RAPH1: variants seen among roughly 807,000 people sequenced by gnomAD.
RAPH1 encodes the protein ras-associated and pleckstrin homology domains-containing protein 1.
Under a neutral mutation model 88.1 loss-of-function variants are expected in RAPH1, and 18 were observed. That is an observed-to-expected ratio of 0.20 (90% CI 0.14 to 0.30). RAPH1 has a LOEUF of 0.30. RAPH1 is among the 10% of genes least tolerant of loss of function. The pLI, the probability that RAPH1 is intolerant of heterozygous loss-of-function variation, is 1.00. For missense variants in RAPH1, 1,448 were observed against 1,543.2 expected (o/e 0.94, Z 1.03); for synonymous variants, 587 against 559.0 (o/e 1.05, Z -0.71).
At position 203,489,728 on chromosome 2, in the gene RAPH1, C is replaced by A; in HGVS notation, c.588G>T (p.Val196=). ...TAATAGAGTGTACTTCAGCATCACTCACTGTGCCTGCTGACGCGGTTCTTC... is the reference window on the plus strand; with the variant it reads ...TAATAGAGTGTACTTCAGCATCACTAACTGTGCCTGCTGACGCGGTTCTTC... ...QHRRTASAGT[V]SDAEVHSISN... The change falls in exon 4 of 14, where the codon GTG becomes GTT. Residue 196 remains valine, a synonymous_variant. Transcript: ENST00000319170. The A allele has an allele frequency of 6.2e-7, 1 of 1,614,148 alleles. No individual in the cohort carries two copies. Among genetic ancestry groups the A allele is most frequent in the Non-Finnish European group, 8.5e-7 (1 of 1,180,020 alleles).
chr2:203,482,831 CA>C (rs60402428), intron 4 of RAPH1, among the ~76,000 whole-genome samples: 21,663 of 151,284 alleles, frequency 0.14, 3,534 homozygotes, highest in African/African-American at 0.4. Flanking sequence ...CAAAACAAAA[CA>C]AAAAAAAGGT....
intron 7 of RAPH1, among the ~76,000 whole-genome samples, 193 bp downstream of exon 7, chr2:203,459,714 C>T (rs2153640874): frequency 6.6e-6 from 1 of 152,268 alleles, no homozygotes; most frequent in Non-Finnish European, 1.5e-5. Context: ...TAGGGCCTAA[C>T]ACGTGGGCAC....
intron 1 of RAPH1, among the ~76,000 whole-genome samples, chr2:203,504,078 T>G (rs929052218): frequency 6.6e-6 from 1 of 152,278 alleles, no homozygotes; most frequent in Non-Finnish European, 1.5e-5. Flanking sequence ...CTTTTCCAAG[T>G]GCACAGTGCA....
intron 2 of RAPH1, 65 bp from the exon 3 acceptor site, chr2:203,491,384 A>T: frequency 2.6e-6 from 3 of 1,154,588 alleles, no homozygotes; most frequent in South Asian, 1.5e-5. Flanking sequence ...AAAAAGATGA[A>T]GTTTGTTTTA....
chr2:203,473,782 T>C (rs138507450), intron 4 of RAPH1, among the ~76,000 whole-genome samples: 97 of 152,364 alleles, frequency 6.4e-4, no homozygotes, highest in African/African-American at 1.9e-3. Flanking sequence ...GGCCTTCTTA[T>C]ATTTTCTTTT....
chr2:203,505,779 C>G (rs1465654895), intron 1 of RAPH1, among the ~76,000 whole-genome samples: 4 of 152,194 alleles, frequency 2.6e-5, no homozygotes, highest in Non-Finnish European at 5.9e-5. Context: ...CTTTAAGCCA[C>G]TCAGCGTGTA....
At chr2:203,453,707 G>A (rs2098516762) in intron 10 of RAPH1, among the ~76,000 whole-genome samples, 1 of 151,856 alleles carries the variant, frequency 6.6e-6, no homozygotes, top group Non-Finnish European at 1.5e-5. Flanking sequence ...AATTAAACAT[G>A]ATATGAACAT....
intron 4 of RAPH1, among the ~76,000 whole-genome samples, chr2:203,475,450 C>T (rs778455567): frequency 6.6e-6 from 1 of 152,092 alleles, no homozygotes; most frequent in Non-Finnish European, 1.5e-5. Flanking sequence ...AAAATCTACA[C>T]TGTAAAAAAA....
In RAPH1 at chr2:203,448,024, G is replaced by T; in HGVS notation, c.1568C>A (p.Ala523Asp). The change falls in exon 12 of 14, where the codon GCC becomes GAC. Residue 523 changes from alanine to aspartate, a missense_variant. Physicochemically the swap from Ala to Asp is moderately radical, Grantham distance 126. Transcript: ENST00000319170. The surrounding 1 kb of genome is among the most constrained non-coding windows in gnomAD (Gnocchi z 4.1). Reference sequence around the variant, plus strand: ...GCTGGATAAGGAAGTCCAATCATAGGCTGACTCTGTCCTCTTCAAGGCTTC... The same window carrying T: ...GCTGGATAAGGAAGTCCAATCATAGTCTGACTCTGTCCTCTTCAAGGCTTC... The part of the protein sequence containing the change: ...YQEALKRTES[A>D]YDWTSLSSSS... The T allele has an allele frequency of 6.2e-7, 1 of 1,613,670 alleles. No individual in the cohort carries two copies. The highest frequency in any genetic ancestry group is 2.2e-5 in the East Asian group (1 of 44,842).
chr2:203,482,806 AAAAACAAAAC>A (rs371815663), intron 4 of RAPH1, among the ~76,000 whole-genome samples: 18 of 151,698 alleles, frequency 1.2e-4, no homozygotes, highest in South Asian at 8.3e-4. Context: ...CTGTCTCAAA[AAAAACAAAAC>A]AAAACAAAAC....
chr2:203,442,232 A>T (rs188286482), intron 13 of RAPH1: 116 of 703,042 alleles, frequency 1.6e-4, no homozygotes, highest in Admixed American at 6.9e-4. Flanking sequence ...TTTGCCAACA[A>T]CCAACCCATC....
chr2:203,507,804 T>A (rs979793969), intron 1 of RAPH1, among the ~76,000 whole-genome samples: 1 of 152,144 alleles, frequency 6.6e-6, no homozygotes, highest in African/African-American at 2.4e-5. Flanking sequence ...AAGGACAATG[T>A]TGGAACAGTT....
At chr2:203,459,521 C>T (rs1191352906) in intron 7 of RAPH1, among the ~76,000 whole-genome samples, 1 of 152,178 alleles carries the variant, frequency 6.6e-6, no homozygotes, top group Non-Finnish European at 1.5e-5. Context: ...GAAGTGTCAA[C>T]TGGATAAATG....
chr2:203,474,052 G>A lies in RAPH1; in HGVS notation c.733-12127C>T, dbSNP rs184422353. 5.1e-4 allele frequency among the ~76,000 whole-genome samples: 78 copies of A among 152,244 alleles called. 1 individual carries two copies. The highest frequency in any genetic ancestry group is 3.5e-3 in the Admixed American group (54 of 15,282). ...TTAAGTGGTAGGTGAGCAAGGAGAC[G>A]GGTATCTAACCCCAAATTAGCGGCT... On this transcript the variant is annotated intron_variant, in intron 4 of 13. Coordinates refer to ENST00000319170, the MANE Select transcript of RAPH1 (RefSeq NM_213589.3).
At chr2:203,496,019 A>G (rs1417337881) in intron 1 of RAPH1, among the ~76,000 whole-genome samples, 2 of 152,208 alleles carry the variant, frequency 1.3e-5, no homozygotes, top group African/African-American at 4.8e-5. Context: ...GACTTTTCAA[A>G]TATAAGTCCC....
rs751686497 is a variant in RAPH1, at chr2:203,489,743, C to T, written c.573G>A (p.Ala191=). 19 of 1,614,012 alleles carry T rather than the reference C, an allele frequency of 1.2e-5. No individual in the cohort carries two copies. The highest frequency in any genetic ancestry group is 2.7e-5 in the African/African-American group (2 of 74,880). The part of the protein sequence containing the change: ...PLVTNQHRRT[A]SAGTVSDAEV... ...CAGCATCACTCACTGTGCCTGCTGA[C>T]GCGGTTCTTCTGTGCTGATTAGTTA... is the stretch of plus-strand genomic sequence containing the variant. The change falls in exon 4 of 14, where the codon GCG becomes GCA. Residue 191 remains alanine (A), a synonymous_variant. Coordinates refer to ENST00000319170, the MANE Select transcript of RAPH1 (RefSeq NM_213589.3).
At chr2:203,501,456 T>C (rs1361254543) in intron 1 of RAPH1, among the ~76,000 whole-genome samples, 1 of 152,120 alleles carries the variant, frequency 6.6e-6, no homozygotes, top group Non-Finnish European at 1.5e-5. Context: ...TAATAAACCG[T>C]CTGGGAAGTT....
At chr2:203,473,774 C>G (rs1215103847) in intron 4 of RAPH1, among the ~76,000 whole-genome samples, 1 of 152,028 alleles carries the variant, frequency 6.6e-6, no homozygotes, top group Non-Finnish European at 1.5e-5. Flanking sequence ...ATAAACAGGG[C>G]CTTCTTATAT....
At chr2:203,510,091 A>T (rs1442965479) in intron 1 of RAPH1, among the ~76,000 whole-genome samples, 1 of 152,178 alleles carries the variant, frequency 6.6e-6, no homozygotes, top group Non-Finnish European at 1.5e-5. Context: ...TAATACATAC[A>T]ACCAAAAAAG....
Sources: allele counts gnomAD v4.1 joint callset (sites outside exome capture counted in the v4.1 genomes callset), GRCh38; gene constraint gnomAD v4.1.1; non-coding constraint Gnocchi (gnomAD v3.1); transcripts MANE v1.5; gene names NCBI Gene and HGNC (gene_info 2026-07-23, HGNC 2026-07-21).